The following DPP4 variants were observed in gnomAD, a reference collection of about 807,000 sequenced individuals.
DPP4 encodes the protein dipeptidyl peptidase 4.
Under a neutral mutation model 122.4 loss-of-function variants are expected in DPP4, and 93 were observed. That is an observed-to-expected ratio of 0.76 (90% confidence interval 0.64 to 0.90). DPP4 has a LOEUF of 0.90. DPP4 is among the 40% of genes least tolerant of loss of function. The pLI is 0.00. For synonymous variants in DPP4, 321 were observed against 302.9 expected, an observed-to-expected ratio of 1.06 and a Z score of -0.62; for missense variants, 914 against 907.3, an observed-to-expected ratio of 1.01 and a Z score of -0.09.
intron 2 of DPP4, among the ~76,000 whole-genome samples, chr2:162,053,761 A>G (rs1031148405): frequency 1.2e-4 from 18 of 152,272 alleles, no homozygotes; most frequent in African/African-American, 3.9e-4. Flanking sequence ...GCAGAAGCAT[A>G]GAGTGCACAA....
At chr2:162,055,499 C>T (rs1175081536) in intron 2 of DPP4, among the ~76,000 whole-genome samples, 1 of 151,988 alleles carries the variant, frequency 6.6e-6, no homozygotes, top group African/African-American at 2.4e-5. Flanking sequence ...GAGTTCGAGA[C>T]CAGCCTGGGC....
chr2:162,024,626 G>A (rs753270944), intron 11 of DPP4, among the ~76,000 whole-genome samples, 178 bp downstream of exon 11: 33 of 152,094 alleles, frequency 2.2e-4, no homozygotes, highest in Non-Finnish European at 7.4e-5. Flanking sequence ...GAAGCACCTC[G>A]GGATGGCAGG....
intron 2 of DPP4, among the ~76,000 whole-genome samples, chr2:162,051,506 C>T (rs147723402): frequency 1.8e-4 from 27 of 152,266 alleles, no homozygotes; most frequent in South Asian, 4.1e-4. Flanking sequence ...GTGCTCGTTA[C>T]GGCACATAAC....
At position 161,993,184 on chromosome 2, in the gene DPP4, GTATTT is replaced by G. The variant is rs1700905424; in HGVS notation, c.*94_*98del. ...ACCTTAAGTTTCTTGATTTGAGTGTGTATTTTAAAGATCATCATCATCTTGACAGT... is the reference window on the plus strand; with the variant it reads ...ACCTTAAGTTTCTTGATTTGAGTGTGTAAAGATCATCATCATCTTGACAGT... On this transcript the variant is annotated 3_prime_UTR_variant, in exon 26 of 26. Coordinates refer to ENST00000360534, the MANE Select transcript of DPP4 (RefSeq NM_001935.4). 5.3e-6 allele frequency: 5 copies of G among 935,512 alleles called. No individual in the cohort carries two copies. The highest frequency in any genetic ancestry group is 8.4e-6 in the Non-Finnish European group (5 of 592,444). The allele number at this position is 935,512 out of a possible 1,614,324, so 58.0% of individuals were successfully genotyped here. A position where few individuals can be genotyped will look rare whatever the true frequency, so the allele number is the denominator to read the frequency against.
chr2:162,031,258 C>T (rs768726544), intron 10 of DPP4, among the ~76,000 whole-genome samples: 13 of 152,150 alleles, frequency 8.5e-5, no homozygotes, highest in Non-Finnish European at 1.8e-4. Context: ...TGACTGTGTC[C>T]TGGAACCACT....
intron 5 of DPP4, among the ~76,000 whole-genome samples, chr2:162,041,854 C>T (rs1683998773): frequency 6.6e-6 from 1 of 152,124 alleles, no homozygotes; most frequent in Admixed American, 6.6e-5. Context: ...CACAGAGTCC[C>T]TCCCCTGGAG....
At chr2:162,059,459 G>A (rs80269466) in intron 2 of DPP4, among the ~76,000 whole-genome samples, 2,445 of 152,286 alleles carry the variant, frequency 0.016, 28 homozygotes, top group East Asian at 0.036. Flanking sequence ...TCACTGGCCC[G>A]TGAAACATGC....
chr2:162,074,022 G>C lies in DPP4; in HGVS notation c.-41C>G, dbSNP rs769901680. 6 of 1,605,278 alleles carry C rather than the reference G, an allele frequency of 3.7e-6. No individual in the cohort carries two copies. The highest frequency in any genetic ancestry group is 4.3e-6 in the Non-Finnish European group (5 of 1,176,406). ...GGAAGTGAGCGTTCAGAGAAGGAGC[G>C]CAGGCAGAAGTCACCGCGGGCGGCG... On this transcript the variant is annotated 5_prime_UTR_variant, in exon 1 of 26. Coordinates refer to ENST00000360534, the MANE Select transcript of DPP4 (RefSeq NM_001935.4).
At chr2:162,041,574 T>C (rs1286601792) in intron 5 of DPP4, among the ~76,000 whole-genome samples, 3 of 152,324 alleles carry the variant, frequency 2.0e-5, no homozygotes, top group South Asian at 4.1e-4. Flanking sequence ...TCGGGAGTCA[T>C]ACATTCCTTT....
At chr2:162,014,994 G>A (rs945776945) in intron 18 of DPP4, among the ~76,000 whole-genome samples, 2 of 152,258 alleles carry the variant, frequency 1.3e-5, no homozygotes, top group East Asian at 1.9e-4. Context: ...GAATGAGATC[G>A]GGTTTATATG....
chr2:162,008,769 G>T, intron 21 of DPP4, 108 bp from the exon 22 acceptor site: 1 of 963,826 alleles, frequency 1.0e-6, no homozygotes, highest in East Asian at 2.5e-5. Context: ...TGCCTCTTTA[G>T]AGATAAAAAG....
At chr2:162,047,273 GA>G (rs149913490) in intron 3 of DPP4, 129 bp downstream of exon 3, 20,683 of 469,776 alleles carry the variant, frequency 0.044, 1,176 homozygotes, top group East Asian at 0.21. Flanking sequence ...AGTAGAAAAA[GA>G]AAAAAAAAAC....
chr2:162,019,131 ATT>A, intron 15 of DPP4, 90 bp downstream of exon 15: 1 of 1,173,048 alleles, frequency 8.5e-7, no homozygotes, highest in Non-Finnish European at 1.3e-6. Flanking sequence ...CCAGTTTAAT[ATT>A]AGTTAGGACA....
chr2:162,007,383 C>T (rs1039301025), intron 22 of DPP4, among the ~76,000 whole-genome samples: 3 of 151,960 alleles, frequency 2.0e-5, no homozygotes, highest in Admixed American at 2.0e-4. Context: ...ATAAGAAGAT[C>T]TGAAATTTTA....
intron 22 of DPP4, among the ~76,000 whole-genome samples, chr2:162,007,511 T>C (rs904380841): frequency 1.4e-4 from 22 of 152,100 alleles, no homozygotes; most frequent in Non-Finnish European, 2.1e-4. Flanking sequence ...AATAAAATTG[T>C]TTAAATTTAC....
intron 10 of DPP4, 144 bp from the exon 11 acceptor site, chr2:162,025,083 A>C (rs1284722038): frequency 1.1e-6 from 1 of 890,174 alleles, no homozygotes; most frequent in Non-Finnish European, 1.6e-6. Flanking sequence ...GAAACCATTT[A>C]ATATAATATT....
intron 6 of DPP4, 37 bp from the exon 7 acceptor site, chr2:162,039,058 A>T (rs777667719): frequency 6.2e-7 from 1 of 1,612,704 alleles, no homozygotes; most frequent in Admixed American, 1.7e-5. Flanking sequence ...ATCAAAAAGA[A>T]TAACTCACAT....
intron 4 of DPP4, among the ~76,000 whole-genome samples, chr2:162,046,072 TGC>T (rs1221137896): frequency 8.5e-5 from 13 of 152,214 alleles, no homozygotes; most frequent in Non-Finnish European, 1.3e-4. Flanking sequence ...TCTATTTTTT[TGC>T]ATGTGGAAGT....
At chr2:162,038,894 T>C (rs1683884899) in intron 7 of DPP4, 55 bp downstream of exon 7, 1 of 1,502,782 alleles carries the variant, frequency 6.7e-7, no homozygotes, top group Admixed American at 1.7e-5. Context: ...TAGTAACTTC[T>C]GCCTATGAAA....
Sources: allele counts gnomAD v4.1 joint callset (sites outside exome capture counted in the v4.1 genomes callset), GRCh38; gene constraint gnomAD v4.1.1; transcripts MANE v1.5; gene names NCBI Gene and HGNC (gene_info 2026-07-23, HGNC 2026-07-21).